Variants in NDUFAF6 observed in about 807,000 individuals in gnomAD.
The protein encoded by NDUFAF6 is NADH dehydrogenase (ubiquinone) complex I, assembly factor 6.
NDUFAF6 carries 45 observed loss-of-function variants against 40.8 expected under a neutral mutation model. The ratio of observed to expected loss-of-function variants is 1.10; its 90% CI spans 0.87 to 1.42. The LOEUF (loss-of-function observed/expected upper bound fraction) is 1.42. Ranked by LOEUF, NDUFAF6 falls within the 40% of genes most tolerant of loss-of-function variation. NDUFAF6 has a pLI of 0.00. For missense variants in NDUFAF6, 435 were observed against 418.5 expected, an observed-to-expected ratio of 1.04 and a Z score of -0.34; for synonymous variants, 185 against 155.9, an observed-to-expected ratio of 1.19 and a Z score of -1.39.
intron 4 of NDUFAF6, among the ~76,000 whole-genome samples, chr8:95,109,585 GAT>G (rs1359674661): frequency 1.1e-4 from 4 of 37,536 alleles, no homozygotes; most frequent in African/African-American, 5.4e-4. Context: ...TAGATAGATA[GAT>G]AGAGAGAGAG....
chr8:94,919,789 T>C (rs1039349645), intron 1 of NDUFAF6, among the ~76,000 whole-genome samples: 1 of 152,212 alleles, frequency 6.6e-6, no homozygotes, highest in Non-Finnish European at 1.5e-5. Flanking sequence ...GACCTGAAAG[T>C]CAGGAATTCC....
intron 4 of NDUFAF6, among the ~76,000 whole-genome samples, chr8:95,111,849 T>C (rs1004008390): frequency 6.6e-6 from 1 of 152,176 alleles, no homozygotes; most frequent in Non-Finnish European, 1.5e-5. Flanking sequence ...CAAATGACCA[T>C]ATATTATATG....
Position 94,940,302 on chromosome 8 carries a change from A to T in NDUFAF6, c.-935-5181A>T, listed in dbSNP as rs1208779418. On this transcript the variant is annotated intron_variant, in intron 1 of 14. Transcript: ENST00000396113. Reference sequence around the variant, plus strand: ...ATGATTATCACATTGGGCAGTCATTATAAAGTCACCCATCAAATTCACAGC... The same window carrying T: ...ATGATTATCACATTGGGCAGTCATTTTAAAGTCACCCATCAAATTCACAGC... 3 of 1,466,810 alleles carry T rather than the reference A, an allele frequency of 2.0e-6. No individual in the cohort carries two copies. The African/African-American group carries it at 4.2e-5, about 21-fold the overall frequency. 90.9% of individuals were successfully genotyped at this position (1,466,810 alleles called of 1,614,324 possible).
intron 1 of NDUFAF6, among the ~76,000 whole-genome samples, chr8:94,936,696 G>A (rs1204567192): frequency 6.6e-6 from 1 of 152,106 alleles, no homozygotes; most frequent in Non-Finnish European, 1.5e-5. Flanking sequence ...ACGGAAATTT[G>A]AGGGGTATAT....
intron 4 of NDUFAF6, 91 bp from the exon 5 acceptor site, chr8:95,045,454 G>A (rs554287734): frequency 8.5e-6 from 7 of 822,054 alleles, no homozygotes; most frequent in South Asian, 5.6e-5. Flanking sequence ...ATTTTTATTC[G>A]TTATTCAGTT....
chr8:95,082,050 T>C (rs962300670), intron 2 of NDUFAF6, among the ~76,000 whole-genome samples: 1 of 151,204 alleles, frequency 6.6e-6, no homozygotes, highest in African/African-American at 2.4e-5. Context: ...GGTGACAGAG[T>C]GAGACTCCGT....
upstream of NDUFAF6, among the ~76,000 whole-genome samples, chr8:95,020,146 C>T (rs1475928198): frequency 2.0e-5 from 3 of 152,214 alleles, no homozygotes; most frequent in Admixed American, 6.5e-5. Context: ...TTGCAGTGAG[C>T]GGAGATCGCA....
At chr8:94,901,292 A>G (rs1203986559) in intron 1 of NDUFAF6, among the ~76,000 whole-genome samples, 4 of 152,016 alleles carry the variant, frequency 2.6e-5, no homozygotes, top group Non-Finnish European at 5.9e-5. Flanking sequence ...TGAAGCGTAG[A>G]CTCCAGCAGG....
chr8:94,896,077 G>C (rs114055803), intron 1 of NDUFAF6: 3,709 of 153,710 alleles, frequency 0.024, 126 homozygotes, highest in African/African-American at 0.083. Context: ...CTCGCGCCAC[G>C]CCGCGCCCTC....
intron 1 of NDUFAF6, among the ~76,000 whole-genome samples, chr8:94,939,310 C>T (rs899969326): frequency 1.6e-4 from 24 of 152,156 alleles, no homozygotes; most frequent in African/African-American, 5.1e-4. Flanking sequence ...AGTCTTATTT[C>T]TAATCAGTAG....
At chr8:94,986,886 AAATTG>A (rs1330748650) in intron 2 of NDUFAF6, among the ~76,000 whole-genome samples, 3 of 152,234 alleles carry the variant, frequency 2.0e-5, no homozygotes. Flanking sequence ...ATATATTTAA[AAATTG>A]AGGCTCTACA....
intron 1 of NDUFAF6, among the ~76,000 whole-genome samples, chr8:94,899,899 A>G (rs1817904299): frequency 6.6e-6 from 1 of 152,004 alleles, no homozygotes; most frequent in African/African-American, 2.4e-5. Flanking sequence ...TTAAACACAC[A>G]AGACCTCTTG....
chr8:94,915,293 T>G (rs1382456813), intron 1 of NDUFAF6, among the ~76,000 whole-genome samples: 1 of 152,176 alleles, frequency 6.6e-6, no homozygotes, highest in Non-Finnish European at 1.5e-5. Context: ...AGTATTTAGC[T>G]CTCACTTATG....
upstream of NDUFAF6, among the ~76,000 whole-genome samples, chr8:95,024,504 G>A (rs372101414): frequency 6.6e-6 from 1 of 152,230 alleles, no homozygotes; most frequent in African/African-American, 2.4e-5. Context: ...CATTTCCAGA[G>A]GCCTTTGGTG....
intron 2 of NDUFAF6, chr8:94,989,166 CAA>C (rs895838491): frequency 6.6e-6 from 1 of 151,190 alleles, no homozygotes; most frequent in East Asian, 1.9e-4. Context: ...TAAAGTTGTT[CAA>C]AAAAAAGAGA....
At chr8:94,909,281 G>A (rs545070041) in intron 1 of NDUFAF6, among the ~76,000 whole-genome samples, 5 of 140,432 alleles carry the variant, frequency 3.6e-5, no homozygotes, top group African/African-American at 1.1e-4. Flanking sequence ...CCTGGGAGGC[G>A]GAGATTGCAG....
At chr8:95,098,379 A>T (rs1186381389), upstream of NDUFAF6, among the ~76,000 whole-genome samples, 3 of 150,892 alleles carry the variant, frequency 2.0e-5, no homozygotes, top group East Asian at 5.9e-4. Context: ...CTAAAAATGT[A>T]TGTCTTGGCC....
rs140595002 is a variant in NDUFAF6 at position 95,075,807 on chromosome 8, A to T, written c.*686A>T. On this transcript the variant is annotated 3_prime_UTR_variant and NMD_transcript_variant, in exon 10 of 10. Transcript: ENST00000520757. ...ACTAGCTCTAGGCCAATCTTGCTTC[A>T]CTCGAACACGCACACACTTCTCCTT... 131 of 720,244 alleles carry T rather than the reference A, an allele frequency of 1.8e-4. No homozygotes were observed. In the African/African-American group the frequency reaches 2.2e-3, roughly 12 times the overall value. 44.6% of individuals were successfully genotyped at this position (720,244 alleles called of 1,614,324 possible).
intron 2 of NDUFAF6, among the ~76,000 whole-genome samples, chr8:95,008,257 G>C (rs1039366170): frequency 3.9e-5 from 6 of 152,180 alleles, no homozygotes; most frequent in Admixed American, 1.3e-4. Context: ...AATTAAAGAT[G>C]ATCATCATCA....
Sources: gnomAD v4.1 joint callset for allele counts (sites outside exome capture counted in the v4.1 genomes callset) on GRCh38, gnomAD v4.1.1 for gene constraint, MANE v1.5 for transcripts, NCBI Gene and HGNC (gene_info 2026-07-23, HGNC 2026-07-21) for gene names.